MGLL: variants seen among roughly 807,000 people sequenced by gnomAD.
The protein encoded by MGLL is lysophospholipase homolog.
MGLL carries 7 observed loss-of-function variants against 29.1 expected under a neutral mutation model. The ratio of observed to expected loss-of-function variants is 0.24; its 90% confidence interval spans 0.14 to 0.45. The LOEUF is 0.45. MGLL is among the 20% of genes least tolerant of loss of function. MGLL has a pLI of 0.99. For synonymous variants in MGLL, 148 were observed against 168.3 expected (o/e 0.88, Z 0.93); for missense variants, 356 against 413.6 (o/e 0.86, Z 1.21).
chr3:127,755,440 G>A (rs1212775884), intron 3 of MGLL, among the ~76,000 whole-genome samples: 2 of 152,148 alleles, frequency 1.3e-5, no homozygotes, highest in African/African-American at 2.4e-5. Context: ...CCCAAACATG[G>A]GAGACACGAT....
At chr3:127,765,978 T>C (rs1287999219) in intron 3 of MGLL, among the ~76,000 whole-genome samples, 1 of 152,194 alleles carries the variant, frequency 6.6e-6, no homozygotes, top group Non-Finnish European at 1.5e-5. Context: ...GCCACTCTGC[T>C]AGCAGCTAAG....
In MGLL at chr3:127,821,902, G is replaced by C. The variant is rs1576331161; in HGVS notation, c.11-64C>G. ...CTCAAGAACATGTATGGATAGGAGA[G>C]AAAAGTCTAGTTCAGAGTCAGTAAC... On this transcript the variant is annotated intron_variant, in intron 1 of 7. Transcript: ENST00000265052. The C allele has an allele frequency of 3.3e-6, 5 of 1,535,168 alleles. No individual in the cohort carries two copies. The East Asian group carries it at 9.0e-5, about 28-fold the overall frequency.
chr3:127,769,181 G>T (rs368837752), intron 3 of MGLL, among the ~76,000 whole-genome samples: 1 of 152,020 alleles, frequency 6.6e-6, no homozygotes, highest in Non-Finnish European at 1.5e-5. Flanking sequence ...GTGAAACCCC[G>T]TCTTTACTAA....
intron 6 of MGLL, among the ~76,000 whole-genome samples, chr3:127,705,646 C>G (rs185882182): frequency 6.6e-6 from 1 of 151,698 alleles, no homozygotes; most frequent in Non-Finnish European, 1.5e-5. Flanking sequence ...TGTGGTGGCA[C>G]GCGCCTGTAA....
Position 127,692,329 on chromosome 3 carries a change from A to G in MGLL, c.817-6T>C. 1.2e-6 allele frequency: 2 copies of G among 1,614,018 alleles called. No homozygotes were observed. The highest frequency in any genetic ancestry group is 1.7e-6 in the Non-Finnish European group (2 of 1,179,980). On this transcript the variant is annotated splice_region_variant and splice_polypyrimidine_tract_variant and intron_variant, in intron 7 of 7. Coordinates refer to ENST00000265052, the MANE Select transcript of MGLL (RefSeq NM_007283.7). ...TGGTAGGCACCTTCATAAATCTGCA[A>G]TGAGGAGAGACACGGAATCAGAGCT...
In MGLL at chr3:127,694,841, G is replaced by A. The variant is rs530755869; in HGVS notation, c.816+134C>T. The A allele has an allele frequency of 2.0e-4, 149 of 755,568 alleles. No homozygotes were observed. In the Middle Eastern group the frequency reaches 2.2e-3, roughly 11 times the overall value. 46.8% of individuals were successfully genotyped at this position (755,568 alleles called of 1,614,324 possible). On this transcript the variant is annotated intron_variant, in intron 7 of 7. Transcript: ENST00000265052. ...GATTCCTTTTATTTATTTATTTCTC[G>A]GTCAAGCAGGCTGGTCCCTATCCTG...
intron 6 of MGLL, among the ~76,000 whole-genome samples, chr3:127,697,238 C>G (rs1163015914): frequency 6.6e-6 from 1 of 152,236 alleles, no homozygotes; most frequent in South Asian, 2.1e-4. Context: ...GGAAGGAGGG[C>G]TGTAGGGCCC....
chr3:127,734,628 GA>G (rs1311357333), intron 3 of MGLL, among the ~76,000 whole-genome samples: 1 of 152,172 alleles, frequency 6.6e-6, no homozygotes, highest in Non-Finnish European at 1.5e-5. Context: ...AAAGATGAAA[GA>G]ACACATTTGA....
chr3:127,765,524 G>A (rs2076841041), intron 3 of MGLL, among the ~76,000 whole-genome samples: 2 of 152,206 alleles, frequency 1.3e-5, no homozygotes, highest in Admixed American at 6.5e-5. Flanking sequence ...CACTTGCTGC[G>A]GCCCTCGGAA....
chr3:127,814,731 T>C (rs1302808716), intron 2 of MGLL, among the ~76,000 whole-genome samples: 2 of 152,246 alleles, frequency 1.3e-5, no homozygotes, highest in South Asian at 2.1e-4. Context: ...ACTGCAAGAA[T>C]AGCAGCTGGC....
chr3:127,771,823 A>T (rs2076953251), intron 3 of MGLL, among the ~76,000 whole-genome samples: 1 of 152,198 alleles, frequency 6.6e-6, no homozygotes, highest in African/African-American at 2.4e-5. Flanking sequence ...AACCCAGGGT[A>T]ACATAGCGTA....
chr3:127,815,987 C>T (rs140014768), intron 2 of MGLL, among the ~76,000 whole-genome samples: 4 of 152,238 alleles, frequency 2.6e-5, no homozygotes, highest in African/African-American at 4.8e-5. Context: ...AGCAAGGAGC[C>T]GTATGGGGTA....
At chr3:127,807,039 T>C (rs1372201835) in intron 2 of MGLL, among the ~76,000 whole-genome samples, 1 of 152,224 alleles carries the variant, frequency 6.6e-6, no homozygotes, top group Non-Finnish European at 1.5e-5. Context: ...TTCCTCTATT[T>C]TTTGGAAAGG....
intron 5 of MGLL, among the ~76,000 whole-genome samples, chr3:127,716,257 A>C (rs479504): frequency 0.76 from 115,055 of 152,190 alleles, 43,760 homozygotes; most frequent in Middle Eastern, 0.86. Context: ...AATCCTCGAG[A>C]AAGTCTATGA....
chr3:127,743,656 C>T (rs372322676), intron 3 of MGLL, among the ~76,000 whole-genome samples: 3 of 149,680 alleles, frequency 2.0e-5, no homozygotes, highest in South Asian at 4.2e-4. Context: ...TAGAAGGGGC[C>T]GGAGAGGCAA....
chr3:127,774,045 T>C (rs927025643), intron 3 of MGLL, among the ~76,000 whole-genome samples: 1 of 152,202 alleles, frequency 6.6e-6, no homozygotes, highest in African/African-American at 2.4e-5. Flanking sequence ...ACTGCTCCCC[T>C]GCTCACAGCC....
At chr3:127,808,725 C>T (rs1221791285) in intron 2 of MGLL, among the ~76,000 whole-genome samples, 4 of 152,240 alleles carry the variant, frequency 2.6e-5, no homozygotes, top group Non-Finnish European at 5.9e-5. Context: ...TATTCTCCAA[C>T]ATCAGCCTCT....
At chr3:127,795,422 G>A (rs924913594) in intron 2 of MGLL, among the ~76,000 whole-genome samples, 2 of 151,956 alleles carry the variant, frequency 1.3e-5, no homozygotes, top group African/African-American at 4.8e-5. Flanking sequence ...GGGGGGCAAG[G>A]ACTGAAAAAC....
At chr3:127,816,328 G>A (rs2107758400) in intron 2 of MGLL, among the ~76,000 whole-genome samples, 1 of 152,284 alleles carries the variant, frequency 6.6e-6, no homozygotes, top group South Asian at 2.1e-4. Context: ...GGGGGTGGGG[G>A]AAAGAAAGCA....
Sources: allele counts gnomAD v4.1 joint callset (sites outside exome capture counted in the v4.1 genomes callset), GRCh38; gene constraint gnomAD v4.1.1; transcripts MANE v1.5; gene names NCBI Gene and HGNC (gene_info 2026-07-23, HGNC 2026-07-21).